GDI2: variants seen among roughly 807,000 people sequenced by gnomAD.
The protein encoded by GDI2 is GDP dissociation inhibitor 2, also known as rab GDP dissociation inhibitor beta.
A neutral mutation model predicts 54.2 loss-of-function variants in GDI2; 22 were observed. The ratio of observed to expected loss-of-function variants is 0.41; its 90% CI spans 0.29 to 0.58. GDI2 has a LOEUF of 0.58. GDI2 is among the 20% of genes least tolerant of loss of function. The pLI is 0.35. For synonymous variants in GDI2, 177 were observed against 182.1 expected (o/e 0.97, Z 0.23); for missense variants, 422 against 546.0 (o/e 0.77, Z 2.26).
intron 7 of GDI2, among the ~76,000 whole-genome samples, chr10:5,770,214 C>A (rs1392693950): frequency 1.3e-5 from 2 of 152,128 alleles, no homozygotes; most frequent in Admixed American, 1.3e-4. Context: ...TTGCCAGTGG[C>A]TGGAAGCAGA....
rs1840614356 is a variant in GDI2, at chr10:5,776,138, T to C, written c.720-2197A>G. On this transcript the variant is annotated intron_variant, in intron 6 of 10. Coordinates refer to ENST00000380191, the MANE Select transcript of GDI2 (RefSeq NM_001494.4). This position sits in a 1 kb window ranked among gnomAD's most constrained non-coding sequence, Gnocchi z 5.3. Reference sequence around the variant, plus strand: ...TTTATCAGCAACTACAAAGAAGCTATTTCTTGTCACAAAAAGGCTGCGGCA... The same window carrying C: ...TTTATCAGCAACTACAAAGAAGCTACTTCTTGTCACAAAAAGGCTGCGGCA... The C allele has an allele frequency of 7.4e-6, 2 of 270,850 alleles. No homozygotes were observed. Among genetic ancestry groups the C allele is most frequent in the South Asian group, 1.0e-4 (2 of 19,140 alleles). The allele number at this position is 270,850 out of a possible 1,614,324, so 16.8% of individuals were successfully genotyped here. A position where few individuals can be genotyped will look rare whatever the true frequency, so the allele number is the denominator to read the frequency against.
At chr10:5,794,763 G>T in intron 4 of GDI2, 122 bp downstream of exon 4, 2 of 707,720 alleles carry the variant, frequency 2.8e-6, no homozygotes, top group Non-Finnish European at 2.5e-6. Flanking sequence ...ACAGTGTCTG[G>T]CACATGATAG....
chr10:5,789,648 T>A (rs928382160), intron 4 of GDI2, among the ~76,000 whole-genome samples: 1 of 152,044 alleles, frequency 6.6e-6, no homozygotes, highest in Non-Finnish European at 1.5e-5. Context: ...ACCAAAAAAA[T>A]TAGAAAAAAG....
At chr10:5,783,616 C>G (rs1389460882) in intron 6 of GDI2, among the ~76,000 whole-genome samples, 1 of 152,114 alleles carries the variant, frequency 6.6e-6, no homozygotes, top group Non-Finnish European at 1.5e-5. Context: ...ATTTGGAGCT[C>G]CTTTTAGCAG....
At chr10:5,786,231 C>T (rs1269599172) in intron 4 of GDI2, among the ~76,000 whole-genome samples, 181 bp from the exon 5 acceptor site, 2 of 129,314 alleles carry the variant, frequency 1.5e-5, no homozygotes, top group Non-Finnish European at 3.1e-5. Context: ...AGTGCAATGA[C>T]GCAATCTCAG....
At chr10:5,775,846 G>A (rs533732069) in intron 6 of GDI2, among the ~76,000 whole-genome samples, 39 of 152,324 alleles carry the variant, frequency 2.6e-4, no homozygotes, top group Admixed American at 9.8e-4. Context: ...GGCACCGTGC[G>A]TGGCAGCAGC....
rs1336022378 is a variant in GDI2 at position 5,774,948 on chromosome 10, A to G, written c.720-1007T>C. On this transcript the variant is annotated intron_variant, in intron 6 of 10. Transcript: ENST00000380191. The surrounding 1 kb of genome is among the most constrained non-coding windows in gnomAD (Gnocchi z 4.8). ...AGGGAAGGGTTGACCAGTAATAGCTATATTAGTCTAATCCTCTGGCATATA... is the reference window on the plus strand; with the variant it reads ...AGGGAAGGGTTGACCAGTAATAGCTGTATTAGTCTAATCCTCTGGCATATA... Among the ~76,000 whole-genome samples the G allele has an allele frequency of 6.6e-6, 1 of 152,184 alleles. No homozygotes were observed. Among genetic ancestry groups the G allele is most frequent in the Admixed American group, 6.5e-5 (1 of 15,280 alleles).
chr10:5,794,981 G>A lies in GDI2; in HGVS notation c.292C>T (p.Arg98Cys), dbSNP rs1841114297. ...TCAGTCACTTTAAAATCCAGATAGC[G>A]AGTTACCTCTGTATAAAGCAGCATC... ...VKMLLYTEVTRYLDFKVTEGS... is the reference protein window; with the variant it reads ...VKMLLYTEVTCYLDFKVTEGS... Residue 98 changes from arginine (R) to cysteine (C), a missense_variant, in exon 4 of 11, where the codon CGC (arginine) becomes TGC (cysteine). Coordinates refer to ENST00000380191, the MANE Select transcript of GDI2 (RefSeq NM_001494.4). 1.0e-5 allele frequency: 16 copies of A among 1,592,550 alleles called. No individual in the cohort carries two copies. Among genetic ancestry groups the A allele is most frequent in the Non-Finnish European group, 1.4e-5 (16 of 1,160,436 alleles).
At chr10:5,785,335 A>G in intron 5 of GDI2, 62 bp from the exon 6 acceptor site, 1 of 1,281,514 alleles carries the variant, frequency 7.8e-7, no homozygotes, top group Non-Finnish European at 1.1e-6. Flanking sequence ...TGTTCAATTT[A>G]TAATTTTTTT....
chr10:5,786,174 T>TTA, intron 4 of GDI2, 124 bp from the exon 5 acceptor site: 1 of 623,864 alleles, frequency 1.6e-6, no homozygotes. Flanking sequence ...AATTTTTTTT[T>TTA]TTTTTTTTTT....
chr10:5,771,116 C>T (rs1397665878), intron 7 of GDI2, among the ~76,000 whole-genome samples: 3 of 151,504 alleles, frequency 2.0e-5, no homozygotes, highest in Middle Eastern at 3.4e-3. Flanking sequence ...CTGTTATCTT[C>T]ATAATCTAAT....
chr10:5,795,509 T>C (rs1046253356), intron 3 of GDI2, among the ~76,000 whole-genome samples: 10 of 152,230 alleles, frequency 6.6e-5, no homozygotes, highest in Non-Finnish European at 1.2e-4. Context: ...TTATTTTTTA[T>C]CTTTTTTTCC....
intron 5 of GDI2, among the ~76,000 whole-genome samples, chr10:5,785,521 C>A (rs984266006): frequency 6.6e-6 from 1 of 152,012 alleles, no homozygotes; most frequent in Non-Finnish European, 1.5e-5. Context: ...ATTACAGGGA[C>A]GCACCACTAC....
rs60804301 is a variant in GDI2 at position 5,796,348 on chromosome 10, C to CAA, written c.253+413_253+414dup. ...TGGGTGACAGAGCGAGACTCCGTCTCAAAAAAAAAAAAAGAAAAAGAAAAC... is the reference window on the plus strand; with the variant it reads ...TGGGTGACAGAGCGAGACTCCGTCTCAAAAAAAAAAAAAAAGAAAAAGAAAAC... On this transcript the variant is annotated intron_variant, in intron 3 of 10. Transcript: ENST00000380191. Among the ~76,000 whole-genome samples, 737 of 143,710 alleles carry CAA rather than the reference C, an allele frequency of 5.1e-3. 3 individuals carry two copies. The highest frequency in any genetic ancestry group is 0.014 in the Middle Eastern group (4 of 278). The allele number at this position is 143,710 out of a possible 152,430, so 94.3% of individuals were successfully genotyped here.
chr10:5,789,623 G>A (rs915784624), intron 4 of GDI2, among the ~76,000 whole-genome samples: 4 of 151,970 alleles, frequency 2.6e-5, no homozygotes, highest in African/African-American at 7.3e-5. Context: ...CAGATGAACC[G>A]CATAGCCTAG....
intron 2 of GDI2, among the ~76,000 whole-genome samples, chr10:5,799,590 CA>C (rs1336840983): frequency 6.6e-6 from 1 of 152,068 alleles, no homozygotes; most frequent in East Asian, 1.9e-4. Context: ...AGGTGGAAGC[CA>C]TAGGGAGGCG....
intron 6 of GDI2, among the ~76,000 whole-genome samples, chr10:5,784,836 G>T (rs989173946): frequency 3.2e-4 from 49 of 152,186 alleles, no homozygotes; most frequent in African/African-American, 1.2e-3. Flanking sequence ...AGGTAACAGG[G>T]GTGTGAAGTA....
chr10:5,773,361 TC>T (rs1840543374), intron 7 of GDI2, among the ~76,000 whole-genome samples: 1 of 152,148 alleles, frequency 6.6e-6, no homozygotes, highest in African/African-American at 2.4e-5. Flanking sequence ...GATCTTTTTT[TC>T]CTTGTGATTT....
chr10:5,777,164 C>T (rs1308244823), intron 6 of GDI2, among the ~76,000 whole-genome samples: 4 of 152,160 alleles, frequency 2.6e-5, no homozygotes, highest in South Asian at 4.1e-4. Flanking sequence ...CTTGTCTTGT[C>T]TTCAGGGTTA....
Sources: gnomAD v4.1 joint callset for allele counts (sites outside exome capture counted in the v4.1 genomes callset) on GRCh38, gnomAD v4.1.1 for gene constraint, Gnocchi (gnomAD v3.1) non-coding constraint, MANE v1.5 for transcripts, NCBI Gene and HGNC (gene_info 2026-07-23, HGNC 2026-07-21) for gene names.